AP1S3: variants seen among roughly 807,000 people sequenced by gnomAD.
The protein encoded by AP1S3 is adaptor related protein complex 1 subunit sigma 3, also known as AP-1 complex subunit sigma-3.
In AP1S3, 10 loss-of-function variants were observed where a neutral mutation model predicts 20.9. That is an observed-to-expected ratio of 0.48 (90% CI 0.29 to 0.81). The LOEUF (loss-of-function observed/expected upper bound fraction) is 0.81, where lower values mean the gene tolerates loss of function less well. AP1S3 is among the 30% of genes least tolerant of loss of function. The pLI is 0.08. For missense variants in AP1S3, 154 were observed against 183.8 expected (o/e 0.84, Z 0.94); for synonymous variants, 41 against 61.5 (o/e 0.67, Z 1.56).
At chr2:223,784,586 C>T (rs1359929594) in intron 1 of AP1S3, among the ~76,000 whole-genome samples, 1 of 152,120 alleles carries the variant, frequency 6.6e-6, no homozygotes, top group Non-Finnish European at 1.5e-5. Flanking sequence ...AAGTCTCTCT[C>T]ATCTTTAAAA....
chr2:223,815,780 T>C (rs920002194), intron 1 of AP1S3, among the ~76,000 whole-genome samples: 2 of 152,186 alleles, frequency 1.3e-5, no homozygotes, highest in Non-Finnish European at 2.9e-5. Context: ...CAACATACTA[T>C]GTAACAAAAC....
chr2:223,771,933 C>A (rs1690638987), intron 3 of AP1S3, among the ~76,000 whole-genome samples: 1 of 152,090 alleles, frequency 6.6e-6, no homozygotes, highest in Non-Finnish European at 1.5e-5. Context: ...ATGGCAAAAA[C>A]CCATCTCTAC....
At chr2:223,760,304 T>C (rs987030698) in intron 4 of AP1S3, among the ~76,000 whole-genome samples, 1 of 152,210 alleles carries the variant, frequency 6.6e-6, no homozygotes, top group Non-Finnish European at 1.5e-5. Flanking sequence ...ATATGATTCA[T>C]GTGAACCTGC....
chr2:223,765,177 T>TCATCAA (rs747877608), intron 4 of AP1S3, 36 bp downstream of exon 4: 1 of 1,608,014 alleles, frequency 6.2e-7, no homozygotes, highest in Non-Finnish European at 8.5e-7. Context: ...ATCATCATCA[T>TCATCAA]CATCTTTCTC....
At chr2:223,777,376 C>CA (rs1690808993) in intron 2 of AP1S3, among the ~76,000 whole-genome samples, 1 of 152,088 alleles carries the variant, frequency 6.6e-6, no homozygotes, top group African/African-American at 2.4e-5. Flanking sequence ...GCCTGGGTGA[C>CA]AGAGCAAGAT....
chr2:223,799,681 AT>A (rs1412082597), intron 1 of AP1S3, among the ~76,000 whole-genome samples: 2 of 152,218 alleles, frequency 1.3e-5, no homozygotes, highest in Non-Finnish European at 2.9e-5. Flanking sequence ...GGTATTTAAA[AT>A]GAAATAATAA....
At chr2:223,797,470 TA>T (rs1234536115) in intron 1 of AP1S3, among the ~76,000 whole-genome samples, 2 of 152,124 alleles carry the variant, frequency 1.3e-5, no homozygotes, top group African/African-American at 4.8e-5. Context: ...TTAATAATAA[TA>T]AAACCTTGTT....
intron 4 of AP1S3, among the ~76,000 whole-genome samples, chr2:223,764,535 C>T (rs1029820612): frequency 6.6e-6 from 1 of 152,008 alleles, no homozygotes; most frequent in Non-Finnish European, 1.5e-5. Context: ...TCCCAGAGTC[C>T]AGGGCAGTAC....
intron 1 of AP1S3, among the ~76,000 whole-genome samples, chr2:223,804,978 C>T (rs1191882032): frequency 1.3e-5 from 2 of 152,114 alleles, no homozygotes; most frequent in South Asian, 4.1e-4. Flanking sequence ...CACATACAAC[C>T]GTGAGTCAAA....
At position 223,757,086 on chromosome 2, in the gene AP1S3, T is replaced by C. The variant is rs751627365; in HGVS notation, c.*1629A>G. 89 of 740,262 alleles carry C rather than the reference T, an allele frequency of 1.2e-4. No individual in the cohort carries two copies. The highest frequency in any genetic ancestry group is 1.4e-4 in the Non-Finnish European group (87 of 606,478). The allele number at this position is 740,262 out of a possible 1,614,324, so 45.9% of individuals were successfully genotyped here. ...CTCACTGCAACCTCTGCCTCCTGGG[T>C]TCAAGCCATTCCCCTGCCTCAGCCC... On this transcript the variant is annotated 3_prime_UTR_variant, in exon 5 of 5. Transcript: ENST00000396654.
chr2:223,814,708 A>G (rs1691805749), intron 1 of AP1S3, among the ~76,000 whole-genome samples: 1 of 152,242 alleles, frequency 6.6e-6, no homozygotes, highest in Non-Finnish European at 1.5e-5. Flanking sequence ...AAACTAAAAA[A>G]TATGACAGGC....
rs1690884742 is a variant in AP1S3, at chr2:223,780,093, T to C, written c.4-2224A>G. ...AATGAAACCATGCTTTTTACTCAGATCTTCCACTAACCACCTCCCCCGGCT... is the reference window on the plus strand; with the variant it reads ...AATGAAACCATGCTTTTTACTCAGACCTTCCACTAACCACCTCCCCCGGCT... On this transcript the variant is annotated intron_variant, in intron 1 of 4. Coordinates refer to ENST00000396654, the MANE Select transcript of AP1S3 (RefSeq NM_001039569.2). Among the ~76,000 whole-genome samples, 3 of 151,746 alleles carry C rather than the reference T, an allele frequency of 2.0e-5. No homozygotes were observed. The South Asian group carries it at 6.3e-4, about 32-fold the overall frequency.
At chr2:223,778,120 G>T (rs59565301) in intron 1 of AP1S3, among the ~76,000 whole-genome samples, 41,541 of 149,760 alleles carry the variant, frequency 0.28, 8,724 homozygotes, top group East Asian at 0.57. Flanking sequence ...TGTTTTTTTT[G>T]TTTGTTTGTT....
intron 1 of AP1S3, among the ~76,000 whole-genome samples, chr2:223,799,940 G>A (rs1413236604): frequency 1.3e-5 from 2 of 152,174 alleles, no homozygotes; most frequent in Non-Finnish European, 2.9e-5. Context: ...GCCAGGTGTG[G>A]TGGCTCACAC....
chr2:223,792,859 TAA>T (rs1691242271), intron 1 of AP1S3, among the ~76,000 whole-genome samples: 1 of 151,806 alleles, frequency 6.6e-6, no homozygotes, highest in African/African-American at 2.4e-5. Flanking sequence ...ACAAGGAACT[TAA>T]ACAAATTTAC....
chr2:223,820,608 A>T (rs549216124), intron 1 of AP1S3, among the ~76,000 whole-genome samples: 1 of 149,200 alleles, frequency 6.7e-6, no homozygotes, highest in South Asian at 2.2e-4. Context: ...AGCAGCACCT[A>T]TTACTTTATT....
Position 223,756,082 on chromosome 2 carries a change from T to C in AP1S3, c.*2633A>G. ...GGCCGGGTGCAGCGGCTCATGCCTG[T>C]AATTCCAGCACTTTGGAAGGCCAAG... On this transcript the variant is annotated 3_prime_UTR_variant, in exon 5 of 5. Coordinates refer to ENST00000396654, the MANE Select transcript of AP1S3 (RefSeq NM_001039569.2). The C allele has an allele frequency of 2.0e-6, 2 of 982,826 alleles. No individual in the cohort carries two copies. Among genetic ancestry groups the C allele is most frequent in the Non-Finnish European group, 2.4e-6 (2 of 827,570 alleles). The allele number at this position is 982,826 out of a possible 1,614,324, so 60.9% of individuals were successfully genotyped here. A position where few individuals can be genotyped will look rare whatever the true frequency, so the allele number is the denominator to read the frequency against.
At chr2:223,830,053 A>G (rs1262973747) in intron 1 of AP1S3, among the ~76,000 whole-genome samples, 1 of 152,200 alleles carries the variant, frequency 6.6e-6, no homozygotes, top group African/African-American at 2.4e-5. Context: ...TAACTGTAAC[A>G]GCAGGAAAGG....
intron 1 of AP1S3, among the ~76,000 whole-genome samples, chr2:223,781,202 C>A: frequency 6.6e-6 from 1 of 151,864 alleles, no homozygotes; most frequent in East Asian, 1.9e-4. Context: ...TTGATGGGCA[C>A]GGAGGTTGAT....
Sources: gnomAD v4.1 joint callset for allele counts (sites outside exome capture counted in the v4.1 genomes callset) on GRCh38, gnomAD v4.1.1 for gene constraint, MANE v1.5 for transcripts, NCBI Gene and HGNC (gene_info 2026-07-23, HGNC 2026-07-21) for gene names.